Variants in IFT80 observed in about 807,000 individuals in gnomAD.
The protein encoded by IFT80 is intraflagellar transport 80, also known as intraflagellar transport protein 80 homolog.
IFT80 carries 79 observed loss-of-function variants against 107.9 expected under a neutral mutation model. The ratio of observed to expected loss-of-function variants is 0.73; its 90% CI spans 0.61 to 0.88. IFT80 has a LOEUF of 0.88. Among genes scored for constraint, IFT80 ranks in the 40% least tolerant of loss-of-function variants. The pLI, the probability that IFT80 is intolerant of heterozygous loss-of-function variation, is 0.00. For synonymous variants in IFT80, 299 were observed against 300.9 expected (o/e 0.99, Z 0.07); for missense variants, 797 against 914.2 (o/e 0.87, Z 1.65).
intron 12 of IFT80, among the ~76,000 whole-genome samples, chr3:160,294,730 T>C (rs142329574): frequency 1.5e-4 from 23 of 152,308 alleles, no homozygotes; most frequent in African/African-American, 4.8e-4. Context: ...AGAACCTATA[T>C]TTGTCACAAA....
chr3:160,350,273 G>T (rs1720582144), intron 8 of IFT80, among the ~76,000 whole-genome samples: 1 of 151,870 alleles, frequency 6.6e-6, no homozygotes, highest in Non-Finnish European at 1.5e-5. Context: ...AAAATTAGCT[G>T]GGAGTGGTGG....
intron 18 of IFT80, among the ~76,000 whole-genome samples, chr3:160,273,829 C>A (rs1345736558): frequency 6.6e-6 from 1 of 152,106 alleles, no homozygotes; most frequent in African/African-American, 2.4e-5. Context: ...TCTTTATCAT[C>A]TTTTCAGGTA....
chr3:160,360,145 G>A lies in IFT80; in HGVS notation c.550-2567C>T, dbSNP rs372478741. On this transcript the variant is annotated intron_variant, in intron 6 of 19. Transcript: ENST00000326448. ...TGAATGGCTAACTAGAATAAACAGCGTAGAGAAGACCTTAAATGACCTGAT... is the reference window on the plus strand; with the variant it reads ...TGAATGGCTAACTAGAATAAACAGCATAGAGAAGACCTTAAATGACCTGAT... 1.6e-3 allele frequency among the ~76,000 whole-genome samples: 245 copies of A among 152,290 alleles called. 3 individuals are homozygous for A. The South Asian group carries it at 0.039, about 24-fold the overall frequency.
At chr3:160,310,735 C>A (rs1717177809) in intron 9 of IFT80, among the ~76,000 whole-genome samples, 1 of 152,138 alleles carries the variant, frequency 6.6e-6, no homozygotes, top group Admixed American at 6.6e-5. Context: ...GAGAGACAAG[C>A]AGACATATGT....
intron 8 of IFT80, among the ~76,000 whole-genome samples, chr3:160,340,340 TGCTGTA>T (rs1164390300): frequency 6.6e-6 from 1 of 152,162 alleles, no homozygotes; most frequent in African/African-American, 2.4e-5. Flanking sequence ...GTTCTATTAG[TGCTGTA>T]ACAAATTACC....
intron 15 of IFT80, among the ~76,000 whole-genome samples, 167 bp from the exon 16 acceptor site, chr3:160,279,531 A>T (rs1486238102): frequency 1.3e-5 from 2 of 152,236 alleles, no homozygotes; most frequent in East Asian, 1.9e-4. Flanking sequence ...TTCAAAAAAA[A>T]TTTCAATGTA....
chr3:160,302,899 G>C (rs1460181035), intron 11 of IFT80, among the ~76,000 whole-genome samples: 2 of 152,130 alleles, frequency 1.3e-5, no homozygotes, highest in Non-Finnish European at 2.9e-5. Context: ...TGATAACTTT[G>C]ATACTCATAA....
At position 160,282,511 on chromosome 3, in the gene IFT80, G is replaced by T. The variant is rs369779153; in HGVS notation, c.1483C>A (p.Arg495=). The part of the protein sequence containing the change: ...NRDLCITSVK[R]FGKEEQIIKL... ...ATAATTTGTTCTTCCTTCCCAAATC[G>T]TTTCACAGAAGTGATACAGAGATCT... The change falls in exon 14 of 20, where the codon CGA becomes AGA. Residue 495 remains arginine (R), a synonymous_variant. Coordinates refer to ENST00000326448, the MANE Select transcript of IFT80 (RefSeq NM_020800.3). The T allele has an allele frequency of 1.9e-6, 3 of 1,596,160 alleles. No individual in the cohort carries two copies. The African/African-American group carries it at 4.0e-5, about 21-fold the overall frequency.
In IFT80 at chr3:160,357,583, G is replaced by C. The variant is rs1461837709; in HGVS notation, c.550-5C>G. The C allele has an allele frequency of 6.5e-7, 1 of 1,549,812 alleles. No homozygotes were observed. The highest frequency in any genetic ancestry group is 1.1e-5 in the South Asian group (1 of 88,318). Reference sequence around the variant, plus strand: ...AATGCCATCATGAGCTTTCCACTGTGAGAAAAAAGAATAAGATATTAATTA... The same window carrying C: ...AATGCCATCATGAGCTTTCCACTGTCAGAAAAAAGAATAAGATATTAATTA... On this transcript the variant is annotated splice_polypyrimidine_tract_variant and splice_region_variant and intron_variant, in intron 6 of 19. Transcript: ENST00000326448.
intron 9 of IFT80, among the ~76,000 whole-genome samples, chr3:160,319,452 A>G (rs1453482794): frequency 6.6e-6 from 1 of 152,056 alleles, no homozygotes; most frequent in Non-Finnish European, 1.5e-5. Flanking sequence ...AGTCAAATCC[A>G]ACATGCTCCT....
rs1397985373 is a variant in IFT80 at position 160,320,221 on chromosome 3, C to T, written c.778-282G>A. The T allele has an allele frequency of 1.3e-4, 37 of 280,612 alleles. No homozygotes were observed. In the South Asian group the frequency reaches 2.2e-3, roughly 17 times the overall value. The allele number at this position is 280,612 out of a possible 1,614,324, so 17.4% of individuals were successfully genotyped here. A position where few individuals can be genotyped will look rare whatever the true frequency, so the allele number is the denominator to read the frequency against. On this transcript the variant is annotated intron_variant, in intron 8 of 19. Transcript: ENST00000326448. ...TTACTATTCCTTTTAAGTAATAATA[C>T]TTAATAGGTAAACACAAAGATTCTG... is the stretch of plus-strand genomic sequence containing the variant.
chr3:160,265,892 G>T (rs1212036999), intron 19 of IFT80, among the ~76,000 whole-genome samples: 2 of 151,934 alleles, frequency 1.3e-5, no homozygotes, highest in African/African-American at 2.4e-5. Flanking sequence ...CATAAGTCTG[G>T]CAAAGATAAA....
intron 2 of IFT80, 59 bp from the exon 3 acceptor site, chr3:160,381,783 T>C (rs1712539525): frequency 7.6e-7 from 1 of 1,316,068 alleles, no homozygotes; most frequent in Non-Finnish European, 1.1e-6. Context: ...AATGAATAAT[T>C]CACAGATGCA....
intron 15 of IFT80, among the ~76,000 whole-genome samples, chr3:160,279,996 A>T (rs1714561125): frequency 6.6e-6 from 1 of 152,226 alleles, no homozygotes; most frequent in African/African-American, 2.4e-5. Flanking sequence ...AAATACTTTT[A>T]AAAATACGCT....
intron 12 of IFT80, chr3:160,299,322 G>T: frequency 1.3e-6 from 1 of 785,254 alleles, no homozygotes; most frequent in Non-Finnish European, 1.7e-6. Flanking sequence ...TATATTTCCT[G>T]CCAGTATAAG....
intron 9 of IFT80, among the ~76,000 whole-genome samples, chr3:160,315,089 G>GAGGA (rs1717708518): frequency 1.6e-5 from 2 of 121,510 alleles, no homozygotes; most frequent in African/African-American, 6.1e-5. Context: ...GGGAGGGAGG[G>GAGGA]AAAAAGAGAG....
chr3:160,277,798 T>G, intron 16 of IFT80, 128 bp from the exon 17 acceptor site: 1 of 652,928 alleles, frequency 1.5e-6, no homozygotes, highest in Admixed American at 2.7e-5. Flanking sequence ...AGCAGGGCAT[T>G]AAAAAAAACT....
chr3:160,396,229 T>C (rs1428083944), intron 1 of IFT80, among the ~76,000 whole-genome samples: 2 of 152,146 alleles, frequency 1.3e-5, no homozygotes, highest in Non-Finnish European at 2.9e-5. Flanking sequence ...AACATTAATA[T>C]ACCAAGGTGC....
At chr3:160,377,677 C>A in intron 3 of IFT80, 137 bp from the exon 4 acceptor site, 1 of 501,140 alleles carries the variant, frequency 2.0e-6, no homozygotes, top group Non-Finnish European at 3.5e-6. Flanking sequence ...ACATATAAAT[C>A]TATTGGAAAA....
Sources: allele counts gnomAD v4.1 joint callset (sites outside exome capture counted in the v4.1 genomes callset), GRCh38; gene constraint gnomAD v4.1.1; transcripts MANE v1.5; gene names NCBI Gene and HGNC (gene_info 2026-07-23, HGNC 2026-07-21).